CPXM2: variants seen among roughly 807,000 people sequenced by gnomAD.
CPXM2 encodes inactive carboxypeptidase-like protein X2.
In CPXM2, 66 loss-of-function variants were observed where a neutral mutation model predicts 86.1. The observed-to-expected ratio is 0.77, with a 90% CI of 0.63 to 0.94. The LOEUF is 0.94. CPXM2 is among the 40% of genes least tolerant of loss of function. The pLI is 0.00. For synonymous variants in CPXM2, 388 were observed against 400.2 expected (o/e 0.97, Z 0.36); for missense variants, 948 against 1,026.3 (o/e 0.92, Z 1.04).
chr10:123,903,698 G>T (rs28544255), intron 2 of CPXM2, among the ~76,000 whole-genome samples: 25,054 of 152,262 alleles, frequency 0.16, 2,158 homozygotes, highest in Middle Eastern at 0.32. Context: ...AGGCTGGGAG[G>T]CCAAGGGACT....
chr10:123,843,043 T>C (rs951028004), intron 3 of CPXM2, among the ~76,000 whole-genome samples: 1 of 152,176 alleles, frequency 6.6e-6, no homozygotes, highest in African/African-American at 2.4e-5. Flanking sequence ...AGGGTAAGTT[T>C]ATCCAGTGAA....
chr10:123,813,058 G>A (rs962683652), intron 4 of CPXM2, among the ~76,000 whole-genome samples: 1 of 152,082 alleles, frequency 6.6e-6, no homozygotes, highest in African/African-American at 2.4e-5. Flanking sequence ...TGTACAATAG[G>A]CCTACATACA....
chr10:123,860,627 C>T (rs760367275), intron 3 of CPXM2, among the ~76,000 whole-genome samples: 8 of 152,322 alleles, frequency 5.3e-5, no homozygotes, highest in African/African-American at 9.6e-5. Context: ...AAGCATCAGA[C>T]GACAGCTCCC....
At chr10:123,795,932 C>T (rs1022008169) in intron 6 of CPXM2, among the ~76,000 whole-genome samples, 1 of 152,108 alleles carries the variant, frequency 6.6e-6, no homozygotes, top group Non-Finnish European at 1.5e-5. Flanking sequence ...TGAGTTCCTA[C>T]CCGCAGAGAA....
chr10:123,828,045 C>T (rs1404382569), intron 4 of CPXM2, among the ~76,000 whole-genome samples: 1 of 151,942 alleles, frequency 6.6e-6, no homozygotes, highest in Non-Finnish European at 1.5e-5. Context: ...GTGGTGCATG[C>T]CTCTAGTCCT....
chr10:123,803,040 T>C (rs1199153818), intron 4 of CPXM2, among the ~76,000 whole-genome samples: 3 of 151,430 alleles, frequency 2.0e-5, no homozygotes, highest in Admixed American at 2.0e-4. Flanking sequence ...TTATACATTC[T>C]AGATATGAGT....
intron 2 of CPXM2, among the ~76,000 whole-genome samples, chr10:123,919,796 T>C (rs1298978032): frequency 6.6e-6 from 1 of 152,208 alleles, no homozygotes; most frequent in Non-Finnish European, 1.5e-5. Context: ...ACAAGAAGGA[T>C]GTCAGTGGTA....
upstream of CPXM2, among the ~76,000 whole-genome samples, chr10:123,943,633 C>CT (rs1311500892): frequency 3.3e-5 from 5 of 152,206 alleles, no homozygotes; most frequent in Non-Finnish European, 7.3e-5. Flanking sequence ...AAACGAGGTC[C>CT]TAAAAGCATC....
intron 2 of CPXM2, among the ~76,000 whole-genome samples, chr10:123,897,941 C>T (rs1489786505): frequency 2.6e-5 from 4 of 152,162 alleles, no homozygotes; most frequent in African/African-American, 4.8e-5. Flanking sequence ...AGTCAAGGTA[C>T]GGGGCTCTCT....
chr10:123,875,088 G>C (rs1215376796), intron 2 of CPXM2, among the ~76,000 whole-genome samples: 1 of 152,164 alleles, frequency 6.6e-6, no homozygotes, highest in Non-Finnish European at 1.5e-5. Flanking sequence ...GTCTACTGTA[G>C]GCTACAGCCA....
intron 2 of CPXM2, among the ~76,000 whole-genome samples, chr10:123,872,501 T>C (rs76290455): frequency 0.023 from 3,525 of 152,236 alleles, 96 homozygotes; most frequent in South Asian, 0.085. Context: ...GTGGTTATCT[T>C]TGAGGAGAAG....
chr10:123,835,132 G>A (rs1465959998), intron 4 of CPXM2, among the ~76,000 whole-genome samples: 1 of 152,132 alleles, frequency 6.6e-6, no homozygotes, highest in Non-Finnish European at 1.5e-5. Context: ...TCAAGGGGTG[G>A]GGGAGTTAGT....
intron 13 of CPXM2, among the ~76,000 whole-genome samples, chr10:123,749,168 C>A (rs540122645): frequency 6.6e-6 from 1 of 152,118 alleles, no homozygotes; most frequent in South Asian, 2.1e-4. Flanking sequence ...AGGCCGAGAG[C>A]CTGCCCCCAC....
chr10:123,781,634 G>A (rs111347529), intron 6 of CPXM2, among the ~76,000 whole-genome samples: 1 of 152,200 alleles, frequency 6.6e-6, no homozygotes, highest in African/African-American at 2.4e-5. Context: ...GGGGCAGTAG[G>A]GGGCCGAACA....
intron 2 of CPXM2, chr10:123,914,212 A>T (rs1206999957): frequency 2.5e-6 from 1 of 398,202 alleles, no homozygotes; most frequent in Admixed American, 2.8e-5. Flanking sequence ...CCATGAGTCT[A>T]CTTCTTAATC....
chr10:123,756,203 C>T lies in CPXM2; in HGVS notation c.1917+1010G>A, dbSNP rs114746501. ...GTGTCCAGCCTCAGAGTCTTACTTC[C>T]TAATGGATGGAGGTTAAGGTGGAGT... On this transcript the variant is annotated intron_variant, in intron 12 of 13. Transcript: ENST00000241305. Among the ~76,000 whole-genome samples the T allele has an allele frequency of 2.3e-3, 346 of 152,324 alleles. 2 individuals carry two copies. Among genetic ancestry groups the T allele is most frequent in the African/African-American group, 7.8e-3 (324 of 41,568 alleles).
chr10:123,829,424 A>G (rs1211942561), intron 4 of CPXM2, among the ~76,000 whole-genome samples: 1 of 151,694 alleles, frequency 6.6e-6, no homozygotes, highest in African/African-American at 2.4e-5. Flanking sequence ...TCGGCCTCCC[A>G]AAGTGCTGGG....
intron 2 of CPXM2, among the ~76,000 whole-genome samples, chr10:123,912,969 CG>C (rs1945502906): frequency 6.6e-6 from 1 of 152,176 alleles, no homozygotes; most frequent in Admixed American, 6.5e-5. Context: ...CTCATCCACA[CG>C]GGTAGTTCTC....
chr10:123,927,179 T>A (rs994466255), intron 2 of CPXM2, among the ~76,000 whole-genome samples: 2 of 152,186 alleles, frequency 1.3e-5, no homozygotes, highest in Non-Finnish European at 2.9e-5. Context: ...CTGGGCCTTT[T>A]CAAAGGTTGC....
Sources: allele counts gnomAD v4.1 joint callset (sites outside exome capture counted in the v4.1 genomes callset), GRCh38; gene constraint gnomAD v4.1.1; transcripts MANE v1.5; gene names NCBI Gene and HGNC (gene_info 2026-07-23, HGNC 2026-07-21).